Variants in ENOX1 observed in about 807,000 individuals in gnomAD.
The protein encoded by ENOX1 is candidate growth-related and time keeping constitutive hydroquinone (NADH) oxidase.
A neutral mutation model predicts 82.5 loss-of-function variants in ENOX1; 42 were observed. That is an observed-to-expected ratio of 0.51 (90% CI 0.40 to 0.66). ENOX1 has a LOEUF of 0.66. Among genes scored for constraint, ENOX1 ranks in the 30% least tolerant of loss-of-function variants. ENOX1 has a pLI of 0.00. For synonymous variants in ENOX1, 271 were observed against 282.2 expected (o/e 0.96, Z 0.40); for missense variants, 608 against 811.6 (o/e 0.75, Z 3.05).
intron 2 of ENOX1, among the ~76,000 whole-genome samples, chr13:43,580,378 A>G (rs1292316137): frequency 6.6e-6 from 1 of 152,212 alleles, no homozygotes; most frequent in Non-Finnish European, 1.5e-5. Context: ...CGTAGCATTC[A>G]CAGACATAGT....
intron 3 of ENOX1, among the ~76,000 whole-genome samples, chr13:43,460,756 T>G (rs930143439): frequency 7.9e-5 from 10 of 126,978 alleles, no homozygotes; most frequent in South Asian, 2.6e-4. Flanking sequence ...ATCGCACCAC[T>G]GCACTCCAGC....
chr13:43,721,376 CTTTTT>C (rs761888585), intron 1 of ENOX1, among the ~76,000 whole-genome samples: 1 of 107,620 alleles, frequency 9.3e-6, no homozygotes. Context: ...TATTTTATAT[CTTTTT>C]TTTTTTTTTT....
rs1325444892 is a variant in ENOX1 at position 43,684,220 on chromosome 13, T to C, written c.-284-16676A>G. The stretch of plus-strand genomic sequence containing the variant: ...TTTAGCCGTTTATGAAATTGTCTTA[T>C]TGCCCCTTTAAATTCTTTAAGCAGT... On this transcript the variant is annotated intron_variant, in intron 1 of 16. Transcript: ENST00000690772. Among the ~76,000 whole-genome samples the C allele has an allele frequency of 2.0e-5, 3 of 152,176 alleles. No homozygotes were observed. The East Asian group carries it at 5.8e-4, about 29-fold the overall frequency.
intron 5 of ENOX1, among the ~76,000 whole-genome samples, chr13:43,401,473 C>T (rs2053491608): frequency 6.6e-6 from 1 of 152,112 alleles, no homozygotes; most frequent in African/African-American, 2.4e-5. Flanking sequence ...CAGAACAGAG[C>T]CTGAGGTCTG....
chr13:43,714,340 G>T (rs1401101300), intron 1 of ENOX1, among the ~76,000 whole-genome samples: 2 of 151,944 alleles, frequency 1.3e-5, no homozygotes, highest in Non-Finnish European at 2.9e-5. Flanking sequence ...CCAACTATGT[G>T]GTCAATTTTG....
intron 5 of ENOX1, among the ~76,000 whole-genome samples, chr13:43,367,650 C>G (rs968424101): frequency 2.0e-5 from 3 of 149,828 alleles, no homozygotes; most frequent in Non-Finnish European, 2.9e-5. Context: ...CCCAGAACTG[C>G]AAGACAATAT....
intron 3 of ENOX1, among the ~76,000 whole-genome samples, chr13:43,455,931 T>C (rs1231397178): frequency 6.6e-6 from 1 of 152,228 alleles, no homozygotes; most frequent in African/African-American, 2.4e-5. Flanking sequence ...TGTGAGTCCA[T>C]TAAACTTCTT....
intron 15 of ENOX1, among the ~76,000 whole-genome samples, chr13:43,226,149 T>G (rs191975341): frequency 7.2e-5 from 11 of 152,292 alleles, no homozygotes; most frequent in Non-Finnish European, 1.5e-4. Context: ...TCTGGTGAAG[T>G]GGCATTCTAA....
chr13:43,287,591 C>G (rs924668915), intron 12 of ENOX1, among the ~76,000 whole-genome samples: 1 of 152,184 alleles, frequency 6.6e-6, no homozygotes, highest in South Asian at 2.1e-4. Context: ...GTTTTCATTT[C>G]ATTATTCATG....
chr13:43,459,871 G>A (rs2153636881), intron 3 of ENOX1, among the ~76,000 whole-genome samples: 1 of 152,246 alleles, frequency 6.6e-6, no homozygotes, highest in East Asian at 1.9e-4. Context: ...GCACGCGCCT[G>A]TAGTCCCAGC....
At chr13:43,429,741 T>C (rs1022015981) in intron 3 of ENOX1, among the ~76,000 whole-genome samples, 8 of 152,216 alleles carry the variant, frequency 5.3e-5, no homozygotes, top group African/African-American at 1.9e-4. Context: ...AAAAATGTGA[T>C]GCAAAATAAA....
intron 3 of ENOX1, among the ~76,000 whole-genome samples, chr13:43,464,420 C>T (rs146381932): frequency 1.8e-3 from 276 of 152,008 alleles, no homozygotes; most frequent in African/African-American, 6.5e-3. Context: ...GACAGAGAAC[C>T]CTGGGGACCT....
Position 43,786,234 on chromosome 13 carries a change from T to C in ENOX1, c.-285+418A>G, listed in dbSNP as rs1052800005. 3.3e-5 allele frequency among the ~76,000 whole-genome samples: 5 copies of C among 151,738 alleles called. No homozygotes were observed. Among genetic ancestry groups the C allele is most frequent in the Admixed American group, 2.0e-4 (3 of 15,262 alleles). ...AAAGAAGAGGGCAGCGGGAACACTGTGTGGGCAGGAACGGGTCCCGGGGGC... is the reference window on the plus strand; with the variant it reads ...AAAGAAGAGGGCAGCGGGAACACTGCGTGGGCAGGAACGGGTCCCGGGGGC... On this transcript the variant is annotated intron_variant, in intron 1 of 16. Transcript: ENST00000690772. The surrounding 1 kb of genome is among the most constrained non-coding windows in gnomAD (Gnocchi z 6.0).
intron 2 of ENOX1, among the ~76,000 whole-genome samples, chr13:43,504,695 T>C (rs560840411): frequency 6.6e-6 from 1 of 151,618 alleles, no homozygotes; most frequent in East Asian, 1.9e-4. Flanking sequence ...AGTCAAAGGG[T>C]AAAAATGTTC....
chr13:43,449,594 T>C (rs1300326609), intron 3 of ENOX1, among the ~76,000 whole-genome samples: 2 of 152,196 alleles, frequency 1.3e-5, no homozygotes, highest in African/African-American at 4.8e-5. Flanking sequence ...GTAACTTTCA[T>C]AAGGCAAAAG....
At chr13:43,772,769 A>T (rs1014107843) in intron 1 of ENOX1, among the ~76,000 whole-genome samples, 2 of 151,338 alleles carry the variant, frequency 1.3e-5, no homozygotes, top group African/African-American at 2.4e-5. Flanking sequence ...AAAAAAAAAA[A>T]AAGAAGGAAA....
intron 2 of ENOX1, among the ~76,000 whole-genome samples, chr13:43,540,498 C>G (rs1299277898): frequency 6.6e-6 from 1 of 151,932 alleles, no homozygotes; most frequent in African/African-American, 2.4e-5. Flanking sequence ...CCAAGATGAC[C>G]CTTTTAAAAG....
At chr13:43,447,496 C>G (rs766204363) in intron 3 of ENOX1, among the ~76,000 whole-genome samples, 6 of 151,982 alleles carry the variant, frequency 3.9e-5, no homozygotes, top group African/African-American at 7.2e-5. Context: ...GGGTAGGAAC[C>G]CTGCAAGATA....
At chr13:43,607,408 C>G (rs189268817) in intron 2 of ENOX1, among the ~76,000 whole-genome samples, 1 of 151,896 alleles carries the variant, frequency 6.6e-6, no homozygotes, top group Non-Finnish European at 1.5e-5. Context: ...TATTTGTAAC[C>G]GCATAGTTTG....
Sources: allele counts gnomAD v4.1 joint callset (sites outside exome capture counted in the v4.1 genomes callset), GRCh38; gene constraint gnomAD v4.1.1; non-coding constraint Gnocchi (gnomAD v3.1); transcripts MANE v1.5; gene names NCBI Gene and HGNC (gene_info 2026-07-23, HGNC 2026-07-21).